CARMIL1: variants seen among roughly 807,000 people sequenced by gnomAD.
CARMIL1 encodes the protein capping protein regulator and myosin 1 linker 1, also known as F-actin-uncapping protein LRRC16A.
In CARMIL1, 90 loss-of-function variants were observed where a neutral mutation model predicts 177.1. The ratio of observed to expected loss-of-function variants is 0.51; its 90% CI spans 0.43 to 0.61. The LOEUF is 0.61. Among genes scored for constraint, CARMIL1 ranks in the 20% least tolerant of loss-of-function variants. The pLI is 0.00. For synonymous variants in CARMIL1, 577 were observed against 606.2 expected, an observed-to-expected ratio of 0.95 and a Z score of 0.71; for missense variants, 1,380 against 1,667.0, an observed-to-expected ratio of 0.83 and a Z score of 3.00.
Position 25,537,855 on chromosome 6 carries a change from A to G in CARMIL1, c.2068A>G (p.Met690Val), listed in dbSNP as rs781488623. 6.2e-7 allele frequency: 1 copy of G among 1,610,920 alleles called. No homozygotes were observed. Among genetic ancestry groups the G allele is most frequent in the Non-Finnish European group, 8.5e-7 (1 of 1,178,824 alleles). ...QGIVTSTTQQ[M>V]IDRICVKVQD... ...CTTGCCTTTTTCTGGTTTGGAGCAG[A>G]TGATTGACAGAATATGTGTGAAAGT... The change falls in exon 25 of 37, where the codon ATG becomes GTG. Residue 690 changes from methionine (M) to valine (V), a missense_variant and splice_region_variant. Met to Val is a conservative substitution (Grantham distance 21). Coordinates refer to ENST00000329474, the MANE Select transcript of CARMIL1 (RefSeq NM_017640.6).
chr6:25,600,330 G>A lies in CARMIL1; in HGVS notation c.3136G>A (p.Gly1046Ser). The A allele has an allele frequency of 6.2e-7, 1 of 1,610,490 alleles. No homozygotes were observed. The highest frequency in any genetic ancestry group is 1.1e-5 in the South Asian group (1 of 90,590). ...KMDSKKWSTRGSESHELNEGG... is the reference protein window; with the variant it reads ...KMDSKKWSTRSSESHELNEGG... ...GAAATGCAGGAAATGGTCAACAAGAGGCTCAGAGTCCCATGAGCTTAATGA... is the reference window on the plus strand; with the variant it reads ...GAAATGCAGGAAATGGTCAACAAGAAGCTCAGAGTCCCATGAGCTTAATGA... The change falls in exon 33 of 37, where the codon GGC becomes AGC. Residue 1046 changes from glycine (G) to serine (S), a missense_variant. Gly to Ser is a moderately conservative substitution (Grantham distance 56). Transcript: ENST00000329474.
intron 2 of CARMIL1, among the ~76,000 whole-genome samples, chr6:25,293,348 A>C (rs9467460): frequency 0.014 from 2,029 of 146,702 alleles, 44 homozygotes; most frequent in African/African-American, 0.043. Flanking sequence ...AAGAGTGTTC[A>C]CTGGGTTATT....
chr6:25,469,703 G>A (rs1429219804), intron 9 of CARMIL1, among the ~76,000 whole-genome samples: 1 of 152,016 alleles, frequency 6.6e-6, no homozygotes, highest in East Asian at 1.9e-4. Context: ...GACTGCAGGC[G>A]TGCGCAGTCT....
intron 31 of CARMIL1, among the ~76,000 whole-genome samples, chr6:25,590,732 T>A (rs1004054533): frequency 2.0e-5 from 3 of 152,158 alleles, no homozygotes; most frequent in African/African-American, 7.2e-5. Flanking sequence ...TTTTAAGATA[T>A]CTTCCATTTA....
chr6:25,600,851 C>A, intron 33 of CARMIL1, 105 bp downstream of exon 33: 1 of 1,025,900 alleles, frequency 9.7e-7, no homozygotes, highest in Non-Finnish European at 1.4e-6. Flanking sequence ...TCACCTTAAA[C>A]ATTTAACTTT....
chr6:25,596,878 C>CAT (rs397706886), intron 32 of CARMIL1, among the ~76,000 whole-genome samples: 1 of 151,704 alleles, frequency 6.6e-6, no homozygotes, highest in African/African-American at 2.4e-5. Flanking sequence ...CACACACACA[C>CAT]GTACTCATGT....
chr6:25,617,801 C>T (rs956559420), intron 36 of CARMIL1, among the ~76,000 whole-genome samples: 2 of 152,132 alleles, frequency 1.3e-5, no homozygotes, highest in African/African-American at 4.8e-5. Context: ...GGCTTACTGA[C>T]AGTTGTGAAA....
chr6:25,514,242 G>A (rs1582206144), intron 20 of CARMIL1, among the ~76,000 whole-genome samples: 1 of 152,082 alleles, frequency 6.6e-6, no homozygotes, highest in East Asian at 1.9e-4. Context: ...TACAGCTTAT[G>A]GTCAAATAAA....
At chr6:25,308,914 A>G (rs995271053) in intron 2 of CARMIL1, among the ~76,000 whole-genome samples, 1 of 152,158 alleles carries the variant, frequency 6.6e-6, no homozygotes, top group African/African-American at 2.4e-5. Flanking sequence ...ATCAACTATT[A>G]ATTCAACAAA....
At chr6:25,506,058 T>C (rs896055684) in intron 17 of CARMIL1, among the ~76,000 whole-genome samples, 7 of 152,212 alleles carry the variant, frequency 4.6e-5, no homozygotes, top group African/African-American at 1.4e-4. Flanking sequence ...TTTGCAGCAA[T>C]TGAATACAAA....
intron 2 of CARMIL1, among the ~76,000 whole-genome samples, chr6:25,331,983 G>A (rs12192812): frequency 0.14 from 21,796 of 152,150 alleles, 1,622 homozygotes; most frequent in Middle Eastern, 0.19. Flanking sequence ...TTCGTTTAAA[G>A]AATCAATTAA....
Position 25,515,911 on chromosome 6 carries a change from T to C in CARMIL1, c.1805+64T>C. The C allele has an allele frequency of 6.7e-7, 1 of 1,492,302 alleles. No homozygotes were observed. The highest frequency in any genetic ancestry group is 9.0e-7 in the Non-Finnish European group (1 of 1,110,064). The allele number at this position is 1,492,302 out of a possible 1,614,324, so 92.4% of individuals were successfully genotyped here. ...TGGAGCAGATTCCGAACAGCAAGCA[T>C]TGCAGAGCTGCTGGGCCCGAGGGGA... On this transcript the variant is annotated intron_variant, in intron 21 of 36. Coordinates refer to ENST00000329474, the MANE Select transcript of CARMIL1 (RefSeq NM_017640.6). This position sits in a 1 kb window ranked among gnomAD's most constrained non-coding sequence, Gnocchi z 5.0.
intron 2 of CARMIL1, among the ~76,000 whole-genome samples, chr6:25,300,097 G>A (rs112530430): frequency 0.066 from 9,963 of 152,036 alleles, 446 homozygotes; most frequent in African/African-American, 0.14. Flanking sequence ...GAGAGCAGGT[G>A]TGTATTTTAT....
At chr6:25,358,595 A>C (rs1223361078) in intron 2 of CARMIL1, among the ~76,000 whole-genome samples, 1 of 152,220 alleles carries the variant, frequency 6.6e-6, no homozygotes, top group Non-Finnish European at 1.5e-5. Flanking sequence ...CATAAGGTAT[A>C]TATAAAGTGG....
intron 2 of CARMIL1, among the ~76,000 whole-genome samples, chr6:25,350,307 C>T: frequency 6.6e-6 from 1 of 152,156 alleles, no homozygotes; most frequent in Non-Finnish European, 1.5e-5. Context: ...TTTGTAGTCC[C>T]TTCCTGTTTA....
intron 36 of CARMIL1, among the ~76,000 whole-genome samples, chr6:25,615,065 T>G (rs1290266591): frequency 6.6e-6 from 1 of 152,240 alleles, no homozygotes; most frequent in African/African-American, 2.4e-5. Context: ...ATTTTAATTT[T>G]GTTTTGTTAG....
At chr6:25,405,485 C>G (rs1794279062) in intron 2 of CARMIL1, among the ~76,000 whole-genome samples, 1 of 152,192 alleles carries the variant, frequency 6.6e-6, no homozygotes, top group South Asian at 2.1e-4. Flanking sequence ...ACATCAGATA[C>G]CTGAAATCCT....
intron 3 of CARMIL1, among the ~76,000 whole-genome samples, chr6:25,425,526 C>T (rs574546419): frequency 4.6e-5 from 7 of 152,176 alleles, no homozygotes; most frequent in Admixed American, 2.0e-4. Context: ...TTATATTTCT[C>T]GGTTTAATGT....
rs114483757 is a variant in CARMIL1, at chr6:25,402,475, G to T, written c.139-17639G>T. ...AATAGGAGAATTAGGTAACTCTAGG[G>T]CATAATAAAAAAGAAGAACATGTGC... On this transcript the variant is annotated intron_variant, in intron 2 of 36. Coordinates refer to ENST00000329474, the MANE Select transcript of CARMIL1 (RefSeq NM_017640.6). Among the ~76,000 whole-genome samples, 62 of 152,200 alleles carry T rather than the reference G, an allele frequency of 4.1e-4. 1 individual carries two copies. Among genetic ancestry groups the T allele is most frequent in the Middle Eastern group, 3.4e-3 (1 of 294 alleles).
Sources: allele counts gnomAD v4.1 joint callset (sites outside exome capture counted in the v4.1 genomes callset), GRCh38; gene constraint gnomAD v4.1.1; non-coding constraint Gnocchi (gnomAD v3.1); transcripts MANE v1.5; gene names NCBI Gene and HGNC (gene_info 2026-07-23, HGNC 2026-07-21).